Variants in CAND2 observed in about 807,000 individuals in gnomAD.
The protein encoded by CAND2 is cullin associated and neddylation dissociated 2 (putative).
Under a neutral mutation model 98.9 loss-of-function variants are expected in CAND2, and 62 were observed. That is an observed-to-expected ratio of 0.63 (90% CI 0.51 to 0.77). The LOEUF is 0.77. CAND2 is among the 30% of genes least tolerant of loss of function. CAND2 has a pLI of 0.00. For missense variants in CAND2, 1,501 were observed against 1,655.2 expected, an observed-to-expected ratio of 0.91 and a Z score of 1.62; for synonymous variants, 770 against 731.9, an observed-to-expected ratio of 1.05 and a Z score of -0.84.
chr3:12,833,229 G>T (rs2062069768), intron 14 of CAND2, among the ~76,000 whole-genome samples: 1 of 152,216 alleles, frequency 6.6e-6, no homozygotes. Flanking sequence ...GATGGTGGGG[G>T]AAGAGGAAAC....
Position 12,815,859 on chromosome 3 carries a change from G to A in CAND2, c.1300-8G>A, listed in dbSNP as rs773729238. The A allele has an allele frequency of 1.9e-6, 3 of 1,610,950 alleles. No homozygotes were observed. In the East Asian group the frequency reaches 6.7e-5, roughly 36 times the overall value. ...TCCCTGACCTTGACTTCCCCCTCCT[G>A]CCCACAGGTGCCCCTTGTGGTCAAG... On this transcript the variant is annotated splice_polypyrimidine_tract_variant and splice_region_variant and intron_variant, in intron 8 of 14. Transcript: ENST00000456430. This position sits in a 1 kb window ranked among gnomAD's most constrained non-coding sequence, Gnocchi z 5.7.
In CAND2 at chr3:12,817,949, G is replaced by A. The variant is rs1410046515; in HGVS notation, c.2944+73G>A. 5 of 1,359,176 alleles carry A rather than the reference G, an allele frequency of 3.7e-6. No individual in the cohort carries two copies. In the East Asian group the frequency reaches 1.2e-4, roughly 33 times the overall value. The allele number at this position is 1,359,176 out of a possible 1,614,324, so 84.2% of individuals were successfully genotyped here. On this transcript the variant is annotated intron_variant, in intron 10 of 14. Transcript: ENST00000456430. ...TTTGCCACTGAGCATCCAGGCAGCT[G>A]GGGCAGAGTGAGCTATTTCAAGTCA... is the stretch of plus-strand genomic sequence containing the variant.
chr3:12,817,318 C>A lies in CAND2; in HGVS notation c.2386C>A (p.Leu796Met), dbSNP rs2061915825. Residue 796 changes from leucine (L) to methionine (M), a missense_variant, in exon 10 of 15, where the codon CTG becomes ATG. Coordinates refer to ENST00000456430, the MANE Select transcript of CAND2 (RefSeq NM_001162499.2). ...YEQAVDGGPG[L>M]HKQVFHSLAR... is the part of the protein sequence containing the mutation. ...GCAGGCTGTGGATGGTGGGCCTGGCCTGCACAAGCAGGTGTTCCACTCATT... is the reference window on the plus strand; with the variant it reads ...GCAGGCTGTGGATGGTGGGCCTGGCATGCACAAGCAGGTGTTCCACTCATT... 6.2e-7 allele frequency: 1 copy of A among 1,613,962 alleles called. No homozygotes were observed. The highest frequency in any genetic ancestry group is 8.5e-7 in the Non-Finnish European group (1 of 1,180,040).
intron 12 of CAND2, among the ~76,000 whole-genome samples, chr3:12,826,517 T>C (rs2062000790): frequency 6.6e-6 from 1 of 152,006 alleles, no homozygotes. Context: ...AGCCTCGACC[T>C]CCTGGGCTCA....
In CAND2 at chr3:12,833,676, A is replaced by AAGCC. The variant is rs58188276; in HGVS notation, c.3484-77_3484-74dup. ...TGGGGAAGATGATGGGGCAGAGAGGAAGCCAAAGACCAGTGAGGAGGCAGT... is the reference window on the plus strand; with the variant it reads ...TGGGGAAGATGATGGGGCAGAGAGGAAGCCAGCCAAAGACCAGTGAGGAGGCAGT... On this transcript the variant is annotated intron_variant, in intron 14 of 14. Coordinates refer to ENST00000456430, the MANE Select transcript of CAND2 (RefSeq NM_001162499.2). 7.5e-3 allele frequency: 8,478 copies of AAGCC among 1,128,974 alleles called. 439 individuals are homozygous for AAGCC. In the African/African-American group the frequency reaches 0.11, roughly 15 times the overall value. The allele number at this position is 1,128,974 out of a possible 1,614,324, so 69.9% of individuals were successfully genotyped here. A position where few individuals can be genotyped will look rare whatever the true frequency, so the allele number is the denominator to read the frequency against.
Position 12,831,702 on chromosome 3 carries a change from T to C in CAND2, c.3483+130T>C, listed in dbSNP as rs1559560845. ...TTGTGAAAGTGCTTCATTTAATCAT[T>C]GTCATTGCCCTATAAAGTACCTCTT... On this transcript the variant is annotated intron_variant, in intron 14 of 14. Coordinates refer to ENST00000456430, the MANE Select transcript of CAND2 (RefSeq NM_001162499.2). 2.3e-5 allele frequency: 14 copies of C among 613,150 alleles called. No homozygotes were observed. In the South Asian group the frequency reaches 2.8e-4, roughly 12 times the overall value. The allele number at this position is 613,150 out of a possible 1,614,324, so 38.0% of individuals were successfully genotyped here. A position where few individuals can be genotyped will look rare whatever the true frequency, so the allele number is the denominator to read the frequency against.
intron 12 of CAND2, among the ~76,000 whole-genome samples, chr3:12,826,649 A>G (rs2062002543): frequency 6.6e-6 from 1 of 151,852 alleles, no homozygotes; most frequent in African/African-American, 2.4e-5. Flanking sequence ...AGACGTCTCA[A>G]ATTCCTCCTG....
chr3:12,816,408 C>T lies in CAND2; in HGVS notation c.1476C>T (p.Ser492=), dbSNP rs778406871. 2.5e-6 allele frequency: 4 copies of T among 1,613,534 alleles called. No homozygotes were observed. Among genetic ancestry groups the T allele is most frequent in the Non-Finnish European group, 2.5e-6 (3 of 1,179,870 alleles). Residue 492 remains serine (S), a synonymous_variant, in exon 10 of 15, where the codon TCC becomes TCT. Coordinates refer to ENST00000456430, the MANE Select transcript of CAND2 (RefSeq NM_001162499.2). ...IIFSLADRSS[S]STIRMDALAF... is the part of the protein sequence containing the mutation. ...TCTCGCTGGCCGACCGCTCCAGCTC[C>T]TCCACCATCCGGATGGATGCCCTGG...
chr3:12,817,268 G>A lies in CAND2; in HGVS notation c.2336G>A (p.Ser779Asn), dbSNP rs749606688. Reference protein sequence around the residue: ...PPCVDYAKLISLLTAPVYEQA... With the variant: ...PPCVDYAKLINLLTAPVYEQA... ...TGTGTGGACTATGCCAAACTCATCAGCCTGCTCACTGCGCCTGTTTATGAG... is the reference window on the plus strand; with the variant it reads ...TGTGTGGACTATGCCAAACTCATCAACCTGCTCACTGCGCCTGTTTATGAG... The change falls in exon 10 of 15, where the codon AGC becomes AAC. Residue 779 changes from serine to asparagine, a missense_variant. Ser to Asn is a conservative substitution (Grantham distance 46). This residue lies in a region of CAND2 where 1,427 missense variants were observed against 1,545.3 expected (regional missense o/e 0.92). Coordinates refer to ENST00000456430, the MANE Select transcript of CAND2 (RefSeq NM_001162499.2). 6.2e-7 allele frequency: 1 copy of A among 1,613,988 alleles called. No individual in the cohort carries two copies. The highest frequency in any genetic ancestry group is 8.5e-7 in the Non-Finnish European group (1 of 1,180,044).
chr3:12,813,291 C>T lies in CAND2; in HGVS notation c.909C>T (p.Leu303=), dbSNP rs1488975069. The T allele has an allele frequency of 6.2e-7, 1 of 1,613,968 alleles. No individual in the cohort carries two copies. The highest frequency in any genetic ancestry group is 1.3e-5 in the African/African-American group (1 of 74,932). The change falls in exon 7 of 15, where the codon CTC becomes CTT. Residue 303 remains leucine, a synonymous_variant. Transcript: ENST00000456430. The stretch of plus-strand genomic sequence containing the variant: ...CTCACGTGCCCAACGTGACCAGCCT[C>T]TGCCTCCAATACATAAAACACGACC... ...MGPHVPNVTS[L]CLQYIKHDPN...
intron 12 of CAND2, among the ~76,000 whole-genome samples, chr3:12,826,238 C>T (rs2061997996): frequency 6.6e-6 from 1 of 152,180 alleles, no homozygotes; most frequent in Admixed American, 6.5e-5. Context: ...CAAGGAGCAG[C>T]TGCGTTTCAC....
At position 12,802,988 on chromosome 3, in the gene CAND2, C is replaced by CG. The variant is rs1553636841; in HGVS notation, c.69-500_69-499insG. On this transcript the variant is annotated intron_variant, in intron 1 of 14. Transcript: ENST00000456430. ...CTGTATAGGGCAGCTCCATTAAAATCTTTTTTTTTTTTTTTTTTGGAGACG... is the reference window on the plus strand; with the variant it reads ...CTGTATAGGGCAGCTCCATTAAAATCGTTTTTTTTTTTTTTTTTTGGAGACG... Among the ~76,000 whole-genome samples, 551 of 127,336 alleles carry CG rather than the reference C, an allele frequency of 4.3e-3. 7 individuals carry two copies. The highest frequency in any genetic ancestry group is 0.014 in the African/African-American group (471 of 33,598). 83.5% of individuals were successfully genotyped at this position (127,336 alleles called of 152,430 possible). A position where few individuals can be genotyped will look rare whatever the true frequency, so the allele number is the denominator to read the frequency against.
At chr3:12,825,817 C>T (rs1436261924) in intron 12 of CAND2, among the ~76,000 whole-genome samples, 178 bp downstream of exon 12, 1 of 152,240 alleles carries the variant, frequency 6.6e-6, no homozygotes, top group Non-Finnish European at 1.5e-5. Flanking sequence ...CTCTCTGAGC[C>T]TCAGTTTCTC....
chr3:12,827,415 T>A (rs748274678), intron 12 of CAND2, 25 bp from the exon 13 acceptor site: 2 of 1,604,376 alleles, frequency 1.2e-6, no homozygotes, highest in Middle Eastern at 1.7e-4. Context: ...TGGGGCCATA[T>A]CACCAACCTT....
At chr3:12,803,083 G>A (rs1458001428) in intron 1 of CAND2, among the ~76,000 whole-genome samples, 2 of 144,632 alleles carry the variant, frequency 1.4e-5, no homozygotes, top group South Asian at 2.2e-4. Flanking sequence ...TCCGCCTCCC[G>A]GGTTCACGCC....
chr3:12,826,369 G>T (rs2061999339), intron 12 of CAND2, among the ~76,000 whole-genome samples: 1 of 151,664 alleles, frequency 6.6e-6, no homozygotes, highest in Non-Finnish European at 1.5e-5. Context: ...AGGGTGAAAA[G>T]GTGTTTACCA....
At chr3:12,816,277 C>T (rs1433822516) in intron 9 of CAND2, 97 bp from the exon 10 acceptor site, 2 of 1,242,870 alleles carry the variant, frequency 1.6e-6, no homozygotes, top group African/African-American at 3.0e-5. Flanking sequence ...GTGCTTCAGT[C>T]CAGCTCAGGC....
At chr3:12,808,058 G>A (rs1030100950) in intron 3 of CAND2, among the ~76,000 whole-genome samples, 152 bp from the exon 4 acceptor site, 3 of 152,242 alleles carry the variant, frequency 2.0e-5, no homozygotes, top group Non-Finnish European at 4.4e-5. Context: ...ACTTTGGCCA[G>A]ACTCTGGGTC....
At chr3:12,804,150 A>T (rs2061788552) in intron 2 of CAND2, among the ~76,000 whole-genome samples, 2 of 152,078 alleles carry the variant, frequency 1.3e-5, no homozygotes, top group Admixed American at 6.5e-5. Flanking sequence ...GCTGACACAC[A>T]TCAAGGTGGT....
Sources: allele counts gnomAD v4.1 joint callset (sites outside exome capture counted in the v4.1 genomes callset), GRCh38; gene constraint gnomAD v4.1.1; regional missense constraint gnomAD v4.1.1; non-coding constraint Gnocchi (gnomAD v3.1); transcripts MANE v1.5; gene names NCBI Gene and HGNC (gene_info 2026-07-23, HGNC 2026-07-21).